PIGN: variants seen among roughly 807,000 people sequenced by gnomAD.
PIGN encodes the protein GPI ethanolamine phosphate transferase 1.
Under a neutral mutation model 125.4 loss-of-function variants are expected in PIGN, and 117 were observed. The observed-to-expected ratio is 0.93, with a 90% confidence interval of 0.80 to 1.09. The LOEUF is 1.09. Among genes scored for constraint, PIGN ranks in the 50% least tolerant of loss-of-function variants. PIGN has a pLI of 0.00. For synonymous variants in PIGN, 392 were observed against 377.8 expected, an observed-to-expected ratio of 1.04 and a Z score of -0.44; for missense variants, 1,075 against 1,094.9, an observed-to-expected ratio of 0.98 and a Z score of 0.26.
At chr18:62,070,416 C>A (rs1354936690) in intron 30 of PIGN, 5 of 398,412 alleles carry the variant, frequency 1.3e-5, no homozygotes, top group Admixed American at 8.8e-5. Context: ...GTAAGAGATT[C>A]AAATCCAATC....
chr18:62,122,296 G>A (rs901152222), intron 14 of PIGN, among the ~76,000 whole-genome samples: 2 of 152,046 alleles, frequency 1.3e-5, no homozygotes, highest in African/African-American at 4.8e-5. Context: ...CCTAAAATAT[G>A]TATGTAATGT....
At chr18:62,021,709 T>C (rs565943164) in intron 23 of PIGN, among the ~76,000 whole-genome samples, 5 of 152,284 alleles carry the variant, frequency 3.3e-5, no homozygotes, top group African/African-American at 1.2e-4. Context: ...ACCTTTCCTA[T>C]TGCAGCATAA....
At chr18:62,073,661 T>C (rs1032586937) in intron 29 of PIGN, among the ~76,000 whole-genome samples, 6 of 152,190 alleles carry the variant, frequency 3.9e-5, no homozygotes, top group African/African-American at 9.7e-5. Context: ...AGAAATACAA[T>C]GAATAATGGT....
chr18:62,088,560 T>TAC (rs1568161544), intron 25 of PIGN, 196 bp downstream of exon 25: 1 of 390,768 alleles, frequency 2.6e-6, no homozygotes, highest in African/African-American at 2.1e-5. Flanking sequence ...TATATATATA[T>TAC]ACATACATAA....
rs925621613 is a variant in PIGN, at chr18:62,074,981, C to A, written c.2577-160G>T. On this transcript the variant is annotated intron_variant, in intron 28 of 30. Coordinates refer to ENST00000640252, the MANE Select transcript of PIGN (RefSeq NM_176787.5). ...GTTCTTTTCATATTATCATGGGTGA[C>A]CATACCATAGAGATGAGCTGGACTG... 6 of 545,566 alleles carry A rather than the reference C, an allele frequency of 1.1e-5. No individual in the cohort carries two copies. In the East Asian group the frequency reaches 1.8e-4, roughly 17 times the overall value. The allele number at this position is 545,566 out of a possible 1,614,324, so 33.8% of individuals were successfully genotyped here.
At chr18:62,019,473 G>A (rs1186489411) in intron 23 of PIGN, among the ~76,000 whole-genome samples, 1 of 152,206 alleles carries the variant, frequency 6.6e-6, no homozygotes, top group African/African-American at 2.4e-5. Flanking sequence ...AATTACCTGG[G>A]ACTAGCTCTA....
Position 62,106,989 on chromosome 18 carries a change from T to C in PIGN, c.1671A>G (p.Val557=). The part of the protein sequence containing the change: ...YLLAFTLGIE[V]LVLSFFYRYM... ...TGTAATCTGGTAAGTTACTTACTAA[T>C]ACTTCAATTCCCAGGGTAAAGGCTA... Residue 557 remains valine, a synonymous_variant, in exon 18 of 31, where the codon GTA becomes GTG. Coordinates refer to ENST00000640252, the MANE Select transcript of PIGN (RefSeq NM_176787.5). 1 of 1,574,052 alleles carries C rather than the reference T, an allele frequency of 6.4e-7. No homozygotes were observed.
intron 23 of PIGN, among the ~76,000 whole-genome samples, chr18:62,030,989 T>A (rs481849): frequency 0.79 from 120,089 of 152,058 alleles, 48,923 homozygotes; most frequent in Non-Finnish European, 0.88. Context: ...TAAATTAAAT[T>A]AAATATATAA....
chr18:62,146,665 A>T (rs2036339865), intron 9 of PIGN, among the ~76,000 whole-genome samples: 1 of 152,160 alleles, frequency 6.6e-6, no homozygotes. Context: ...CACCATCTTA[A>T]CGTCACTCCC....
chr18:62,107,359 C>CCAAGGCAGG, intron 17 of PIGN: 58 of 340,018 alleles, frequency 1.7e-4, no homozygotes, highest in Non-Finnish European at 2.6e-4. Flanking sequence ...CTTTGGGAGG[C>CCAAGGCAGG]TGAAGAGGGC....
chr18:62,173,278 A>C (rs1370035845), intron 1 of PIGN, among the ~76,000 whole-genome samples: 1 of 152,224 alleles, frequency 6.6e-6, no homozygotes, highest in Admixed American at 6.5e-5. Context: ...TTGAGACAGT[A>C]GCCTCACTCT....
intron 22 of PIGN, among the ~76,000 whole-genome samples, chr18:62,099,001 ATCT>A (rs1016832688): frequency 1.6e-5 from 2 of 121,540 alleles, no homozygotes; most frequent in African/African-American, 2.5e-5. Flanking sequence ...ATTTGACAGA[ATCT>A]TCTTGACAGA....
chr18:62,070,592 G>A, intron 30 of PIGN: 1 of 396,762 alleles, frequency 2.5e-6, no homozygotes, highest in Non-Finnish European at 4.4e-6. Context: ...ACAAAGTGAT[G>A]AATGAATATT....
chr18:62,069,025 T>G (rs906101213), intron 30 of PIGN, among the ~76,000 whole-genome samples: 1 of 152,174 alleles, frequency 6.6e-6, no homozygotes, highest in Non-Finnish European at 1.5e-5. Flanking sequence ...GCCTTATGCT[T>G]CCTGAAAGCC....
chr18:62,134,833 C>CTATATT, intron 14 of PIGN, among the ~76,000 whole-genome samples: 2 of 152,196 alleles, frequency 1.3e-5, no homozygotes, highest in Admixed American at 6.5e-5. Flanking sequence ...ATATTTGAAG[C>CTATATT]ATGCTTTCTT....
chr18:62,182,433 C>T (rs1390056788), intron 1 of PIGN, among the ~76,000 whole-genome samples: 1 of 152,184 alleles, frequency 6.6e-6, no homozygotes, highest in East Asian at 1.9e-4. Context: ...ACCACCTTCC[C>T]ACCAAGTATG....
chr18:62,106,951 A>C (rs780099029), intron 18 of PIGN, 35 bp downstream of exon 18: 4 of 1,536,940 alleles, frequency 2.6e-6, no homozygotes, highest in Non-Finnish European at 3.5e-6. Flanking sequence ...ATATAAAAGA[A>C]ATTTGCAAAT....
intron 6 of PIGN, among the ~76,000 whole-genome samples, chr18:62,156,352 A>T (rs2036732985): frequency 6.6e-6 from 1 of 152,076 alleles, no homozygotes; most frequent in Non-Finnish European, 1.5e-5. Flanking sequence ...TTTTTGAGAT[A>T]GGGTGTTGCT....
chr18:62,148,138 AG>A (rs1457653887), intron 8 of PIGN, 75 bp downstream of exon 8: 9 of 1,167,144 alleles, frequency 7.7e-6, no homozygotes, highest in Non-Finnish European at 9.4e-6. Flanking sequence ...ATAATTCCAA[AG>A]AAAACTTTAT....
Sources: allele counts gnomAD v4.1 joint callset (sites outside exome capture counted in the v4.1 genomes callset), GRCh38; gene constraint gnomAD v4.1.1; transcripts MANE v1.5; gene names NCBI Gene and HGNC (gene_info 2026-07-23, HGNC 2026-07-21).